Variants in PID1 observed in about 807,000 individuals in gnomAD.
The protein encoded by PID1 is PTB-containing, cubilin and LRP1-interacting protein.
A neutral mutation model predicts 19.1 loss-of-function variants in PID1; 10 were observed. The ratio of observed to expected loss-of-function variants is 0.52; its 90% CI spans 0.32 to 0.89. The LOEUF is 0.89. PID1 is among the 40% of genes least tolerant of loss of function. PID1 has a pLI of 0.03. For missense variants in PID1, 248 were observed against 285.3 expected (o/e 0.87, Z 0.94); for synonymous variants, 130 against 116.0 (o/e 1.12, Z -0.78).
chr2:229,106,698 C>A (rs1574633296), intron 2 of PID1, among the ~76,000 whole-genome samples: 1 of 152,136 alleles, frequency 6.6e-6, no homozygotes, highest in South Asian at 2.1e-4. Flanking sequence ...CTTAGACTTC[C>A]CAGTCTAGAA....
At chr2:229,253,591 CAAAAAA>C (rs59530496) in intron 1 of PID1, among the ~76,000 whole-genome samples, 12 of 128,500 alleles carry the variant, frequency 9.3e-5, no homozygotes, top group African/African-American at 1.7e-4. Context: ...AAATTCCAAG[CAAAAAA>C]AAAAAAAAAA....
intron 1 of PID1, among the ~76,000 whole-genome samples, chr2:229,264,989 C>G (rs566077992): frequency 3.7e-4 from 57 of 152,322 alleles, no homozygotes; most frequent in African/African-American, 1.2e-3. Flanking sequence ...TGAGCACCTA[C>G]TATACGCTAC....
intron 1 of PID1, among the ~76,000 whole-genome samples, chr2:229,265,636 GCAC>G: frequency 6.6e-6 from 1 of 152,176 alleles, no homozygotes. Context: ...GCTGAAAGAA[GCAC>G]ACTGCAGTCA....
intron 2 of PID1, among the ~76,000 whole-genome samples, chr2:229,123,713 G>A (rs1050630808): frequency 3.9e-5 from 6 of 152,036 alleles, no homozygotes; most frequent in East Asian, 3.9e-4. Flanking sequence ...CATTCAAGTG[G>A]GTATAAAGGA....
At chr2:229,220,450 T>C (rs952288883) in intron 1 of PID1, among the ~76,000 whole-genome samples, 5 of 152,268 alleles carry the variant, frequency 3.3e-5, no homozygotes, top group African/African-American at 9.6e-5. Flanking sequence ...CAAGCCCACA[T>C]GGGTTGGACG....
chr2:229,061,025 A>C (rs1694202367), intron 2 of PID1, among the ~76,000 whole-genome samples: 1 of 152,056 alleles, frequency 6.6e-6, no homozygotes, highest in Non-Finnish European at 1.5e-5. Flanking sequence ...CTTATCCCAC[A>C]AATGGTTTGC....
intron 1 of PID1, 152 bp downstream of exon 1, chr2:229,270,862 G>T: frequency 1.6e-6 from 1 of 629,964 alleles, no homozygotes; most frequent in Non-Finnish European, 2.7e-6. Flanking sequence ...GGTTCCTGGC[G>T]CTGGGTAAAC....
chr2:229,154,559 A>G (rs1300676904), intron 2 of PID1, among the ~76,000 whole-genome samples: 1 of 152,156 alleles, frequency 6.6e-6, no homozygotes, highest in Non-Finnish European at 1.5e-5. Context: ...TGAGCACCCA[A>G]TGAGTATGTG....
At chr2:229,199,414 C>G (rs1404908566) in intron 1 of PID1, among the ~76,000 whole-genome samples, 1 of 152,036 alleles carries the variant, frequency 6.6e-6, no homozygotes, top group Non-Finnish European at 1.5e-5. Context: ...AGCAAGAACT[C>G]TCTCATTCTC....
intron 1 of PID1, among the ~76,000 whole-genome samples, chr2:229,259,102 C>T (rs990749505): frequency 6.0e-5 from 9 of 150,380 alleles, no homozygotes; most frequent in Non-Finnish European, 1.2e-4. Context: ...GTAGTGATAC[C>T]TCATTATGAT....
intron 2 of PID1, among the ~76,000 whole-genome samples, chr2:229,139,146 A>AAAGAAAGCAAGCAAGC (rs1293626727): frequency 5.5e-5 from 6 of 109,032 alleles, no homozygotes; most frequent in African/African-American, 2.2e-4. Context: ...AGAAAGAAAG[A>AAAGAAAGCAAGCAAGC]AAGCAAGCGA....
At chr2:229,176,755 A>G (rs1160362049) in intron 1 of PID1, among the ~76,000 whole-genome samples, 1 of 152,192 alleles carries the variant, frequency 6.6e-6, no homozygotes, top group East Asian at 1.9e-4. Flanking sequence ...AAGGGAAGCC[A>G]AAAAATCTAC....
chr2:229,093,130 T>C (rs1445567447), intron 2 of PID1, among the ~76,000 whole-genome samples: 1 of 60,340 alleles, frequency 1.7e-5, no homozygotes, highest in Non-Finnish European at 4.7e-5. Context: ...TTCTTTCTTT[T>C]TCTTTTTCTT....
At chr2:229,137,082 G>T (rs1468619004) in intron 2 of PID1, among the ~76,000 whole-genome samples, 2 of 152,162 alleles carry the variant, frequency 1.3e-5, no homozygotes, top group East Asian at 3.8e-4. Flanking sequence ...ATACATTTAA[G>T]AACACTAATA....
intron 2 of PID1, among the ~76,000 whole-genome samples, chr2:229,136,847 G>A (rs548438614): frequency 6.6e-6 from 1 of 152,170 alleles, no homozygotes; most frequent in East Asian, 1.9e-4. Flanking sequence ...CAGCACTGAT[G>A]GAGAACACTA....
intron 1 of PID1, among the ~76,000 whole-genome samples, chr2:229,252,646 T>C (rs533386990): frequency 6.6e-6 from 1 of 152,324 alleles, no homozygotes; most frequent in East Asian, 1.9e-4. Flanking sequence ...TATTCTTCTT[T>C]CCCTAGCCTG....
chr2:229,082,706 C>T (rs1372933382), intron 2 of PID1, among the ~76,000 whole-genome samples: 1 of 152,136 alleles, frequency 6.6e-6, no homozygotes, highest in African/African-American at 2.4e-5. Flanking sequence ...GTCCTACAAC[C>T]ACAAGAAACA....
intron 1 of PID1, among the ~76,000 whole-genome samples, chr2:229,183,240 C>G (rs1269559768): frequency 6.6e-6 from 1 of 152,166 alleles, no homozygotes; most frequent in African/African-American, 2.4e-5. Context: ...TTTTCAGCAA[C>G]CCCCTGAAGC....
intron 1 of PID1, among the ~76,000 whole-genome samples, chr2:229,255,804 A>T (rs1574762578): frequency 6.6e-6 from 1 of 152,162 alleles, no homozygotes; most frequent in East Asian, 1.9e-4. Context: ...GATAAGCCCC[A>T]ACACTTCTAG....
Sources: allele counts gnomAD v4.1 joint callset (sites outside exome capture counted in the v4.1 genomes callset), GRCh38; gene constraint gnomAD v4.1.1; transcripts MANE v1.5; gene names NCBI Gene and HGNC (gene_info 2026-07-23, HGNC 2026-07-21).